SLC28A2: variants seen among roughly 807,000 people sequenced by gnomAD.
The protein encoded by SLC28A2 is solute carrier family 28 member 2, also known as sodium/nucleoside cotransporter 2.
In SLC28A2, 69 loss-of-function variants were observed where a neutral mutation model predicts 72.9. That is an observed-to-expected ratio of 0.95 (90% CI 0.78 to 1.16). The LOEUF (loss-of-function observed/expected upper bound fraction) is 1.16. Ranked by LOEUF, SLC28A2 falls within the 50% of genes most tolerant of loss-of-function variation. The pLI, the probability that SLC28A2 is intolerant of heterozygous loss-of-function variation, is 0.00. For synonymous variants in SLC28A2, 296 were observed against 294.1 expected, an observed-to-expected ratio of 1.01 and a Z score of -0.07; for missense variants, 745 against 791.1, an observed-to-expected ratio of 0.94 and a Z score of 0.70.
intron 3 of SLC28A2, among the ~76,000 whole-genome samples, chr15:45,257,424 C>T (rs1383342123): frequency 6.6e-6 from 1 of 152,186 alleles, no homozygotes; most frequent in Non-Finnish European, 1.5e-5. Flanking sequence ...ATGTCTATTT[C>T]ATCCTTTTGT....
chr15:45,270,855 C>G (rs927489818), intron 15 of SLC28A2, among the ~76,000 whole-genome samples: 1 of 152,028 alleles, frequency 6.6e-6, no homozygotes, highest in Non-Finnish European at 1.5e-5. Flanking sequence ...CCAAGCTGGT[C>G]TTGAATTCCT....
Position 45,262,004 on chromosome 15 carries a change from G to A in SLC28A2, c.171-11G>A, listed in dbSNP as rs1362519807. ...GTAATTCTTGTATCTTAACTTTTGG[G>A]TTCTTATTAGGAGGAGTCGGTGGCC... On this transcript the variant is annotated splice_polypyrimidine_tract_variant and intron_variant, in intron 3 of 17. Coordinates refer to ENST00000347644, the MANE Select transcript of SLC28A2 (RefSeq NM_004212.4). The A allele has an allele frequency of 1.3e-5, 21 of 1,587,854 alleles. No individual in the cohort carries two copies. In the South Asian group the frequency reaches 1.9e-4, roughly 14 times the overall value.
chr15:45,260,798 C>T (rs531357749), intron 3 of SLC28A2, among the ~76,000 whole-genome samples: 2 of 152,270 alleles, frequency 1.3e-5, no homozygotes, highest in East Asian at 3.9e-4. Context: ...CAAAGCAAAG[C>T]AGAGTTCTTG....
At chr15:45,262,973 C>T (rs555194757) in intron 4 of SLC28A2, 88 bp from the exon 5 acceptor site, 101 of 1,179,374 alleles carry the variant, frequency 8.6e-5, no homozygotes, top group Admixed American at 5.6e-4. Context: ...TTTTCTTGCT[C>T]TAAGTCCCAG....
intron 17 of SLC28A2, among the ~76,000 whole-genome samples, chr15:45,274,146 G>T (rs1172434199): frequency 6.6e-6 from 1 of 152,090 alleles, no homozygotes; most frequent in Non-Finnish European, 1.5e-5. Flanking sequence ...ACCCTGTGAA[G>T]GTACTCAAAA....
At chr15:45,272,163 G>C in intron 15 of SLC28A2, 132 bp from the exon 16 acceptor site, 1 of 671,818 alleles carries the variant, frequency 1.5e-6, no homozygotes, top group Non-Finnish European at 2.6e-6. Context: ...CCAGTCTCAG[G>C]TGGATGGTAA....
At chr15:45,267,907 T>G in intron 12 of SLC28A2, 111 bp downstream of exon 12, 1 of 1,317,598 alleles carries the variant, frequency 7.6e-7, no homozygotes. Flanking sequence ...GATTCCATAT[T>G]CCTTCTTGCC....
chr15:45,270,247 G>C lies in SLC28A2; in HGVS notation c.1619G>C (p.Ser540Thr), dbSNP rs186144558. ...TCACTCTGTGGATTTGCCAATCTTA[G>C]TTCCATAGGAATCACACTTGGAGGC... ...TFSLCGFANL[S>T]SIGITLGGLT... Residue 540 changes from serine (S) to threonine (T), a missense_variant, in exon 15 of 18, where the codon AGT (serine) becomes ACT (threonine). Coordinates refer to ENST00000347644, the MANE Select transcript of SLC28A2 (RefSeq NM_004212.4). 1.5e-4 allele frequency: 241 copies of C among 1,613,676 alleles called. No individual in the cohort carries two copies. Among genetic ancestry groups the C allele is most frequent in the Non-Finnish European group, 1.4e-5 (16 of 1,179,570 alleles).
At chr15:45,263,814 ACT>A (rs1232908265) in intron 5 of SLC28A2, 65 bp from the exon 6 acceptor site, 4 of 1,487,064 alleles carry the variant, frequency 2.7e-6, no homozygotes, top group Non-Finnish European at 2.7e-6. Flanking sequence ...TAACTTTCAG[ACT>A]CTCTGTAAGT....
chr15:45,266,612 G>C (rs1033706565), intron 10 of SLC28A2, among the ~76,000 whole-genome samples: 3 of 152,182 alleles, frequency 2.0e-5, no homozygotes, highest in African/African-American at 7.2e-5. Context: ...ACATTCGTCT[G>C]TATGGAGTAG....
At chr15:45,264,634 T>A (rs756821836) in intron 6 of SLC28A2, 21 bp from the exon 7 acceptor site, 14 of 1,494,552 alleles carry the variant, frequency 9.4e-6, no homozygotes, top group Non-Finnish European at 1.3e-5. Context: ...CACATTGAAA[T>A]AATATTCTTA....
intron 2 of SLC28A2, 36 bp from the exon 3 acceptor site, chr15:45,253,396 C>T: frequency 6.3e-7 from 1 of 1,579,718 alleles, no homozygotes; most frequent in Non-Finnish European, 8.7e-7. Context: ...CCTGGCAGGG[C>T]TCCATGACTG....
In SLC28A2 at chr15:45,268,116, C is replaced by T. The variant is rs1900404343; in HGVS notation, c.1200-94C>T. The stretch of plus-strand genomic sequence containing the variant: ...ACCTTCTACATTGGCCTTGCACCCT[C>T]CTCCTGCACGATAGGGACAGTGGGA... On this transcript the variant is annotated intron_variant, in intron 12 of 17. Coordinates refer to ENST00000347644, the MANE Select transcript of SLC28A2 (RefSeq NM_004212.4). 20 of 1,276,204 alleles carry T rather than the reference C, an allele frequency of 1.6e-5. No individual in the cohort carries two copies. The South Asian group carries it at 2.4e-4, about 15-fold the overall frequency. 79.1% of individuals were successfully genotyped at this position (1,276,204 alleles called of 1,614,324 possible). A position where few individuals can be genotyped will look rare whatever the true frequency, so the allele number is the denominator to read the frequency against.
In SLC28A2 at chr15:45,264,771, A is replaced by G; in HGVS notation, c.702+3A>G. On this transcript the variant is annotated splice_donor_region_variant and intron_variant, in intron 7 of 17. Coordinates refer to ENST00000347644, the MANE Select transcript of SLC28A2 (RefSeq NM_004212.4). Reference sequence around the variant, plus strand: ...AGTGGCTGGGAGAGCAGGTCCAGGTATGAGAAATTAAATGCGAGGGCTTTT... The same window carrying G: ...AGTGGCTGGGAGAGCAGGTCCAGGTGTGAGAAATTAAATGCGAGGGCTTTT... 2 of 1,572,546 alleles carry G rather than the reference A, an allele frequency of 1.3e-6. No homozygotes were observed. The highest frequency in any genetic ancestry group is 1.8e-6 in the Non-Finnish European group (2 of 1,142,212).
rs756694071 is a variant in SLC28A2 at position 45,253,517 on chromosome 15, A to G, written c.167A>G (p.Gln56Arg). 3.6e-5 allele frequency: 58 copies of G among 1,607,672 alleles called. No homozygotes were observed. In the Admixed American group the frequency reaches 5.5e-4, roughly 15 times the overall value. Residue 56 changes from glutamine to arginine, a missense_variant, in exon 3 of 18, where the codon CAG (glutamine) becomes CGG (arginine). Gln to Arg is a conservative substitution (Grantham distance 43, BLOSUM62 1). Transcript: ENST00000347644. ...LGDGLGPSTY[Q>R]RRSRWPFSKA... is the part of the protein sequence containing the mutation. Reference sequence around the variant, plus strand: ...GATGGACTGGGCCCTTCCACTTACCAGAGGTACTGGTGTTTTGGAATCTTG... The same window carrying G: ...GATGGACTGGGCCCTTCCACTTACCGGAGGTACTGGTGTTTTGGAATCTTG...
chr15:45,261,837 G>C (rs1041065343), intron 3 of SLC28A2, among the ~76,000 whole-genome samples, 178 bp from the exon 4 acceptor site: 1 of 152,178 alleles, frequency 6.6e-6, no homozygotes, highest in African/African-American at 2.4e-5. Context: ...CACCAGCAAG[G>C]TTTGATTTGC....
chr15:45,260,778 A>AAAAGC (rs903547186), intron 3 of SLC28A2, among the ~76,000 whole-genome samples: 20 of 152,204 alleles, frequency 1.3e-4, no homozygotes, highest in South Asian at 2.1e-4. Flanking sequence ...TAAAGAGAAG[A>AAAAGC]AAAGCAAAGC....
chr15:45,272,409 CTGA>C lies in SLC28A2; in HGVS notation c.1747+19_1747+21del, dbSNP rs561422315. ...TGTATGGCAGGTAGGTGCCTCAGCT[CTGA>C]TGGAGATACTGCTGCATGAGGGTGA... is the stretch of plus-strand genomic sequence containing the variant. On this transcript the variant is annotated intron_variant, in intron 16 of 17. Coordinates refer to ENST00000347644, the MANE Select transcript of SLC28A2 (RefSeq NM_004212.4). The C allele has an allele frequency of 8.7e-5, 138 of 1,577,772 alleles. 3 individuals are homozygous for C. In the South Asian group the frequency reaches 1.5e-3, roughly 17 times the overall value.
intron 3 of SLC28A2, among the ~76,000 whole-genome samples, chr15:45,258,320 C>T (rs1471525344): frequency 1.3e-5 from 2 of 151,640 alleles, no homozygotes; most frequent in Non-Finnish European, 1.5e-5. Context: ...TTAACTGGTA[C>T]AGTTTTTTTT....
Sources: gnomAD v4.1 joint callset for allele counts (sites outside exome capture counted in the v4.1 genomes callset) on GRCh38, gnomAD v4.1.1 for gene constraint, MANE v1.5 for transcripts, NCBI Gene and HGNC (gene_info 2026-07-23, HGNC 2026-07-21) for gene names.